The following CA5B variants were observed in gnomAD, a reference collection of about 807,000 sequenced individuals.
CA5B encodes carbonic anhydrase 5B.
A neutral mutation model predicts 23.1 loss-of-function variants in CA5B; 15 were observed. That is an observed-to-expected ratio of 0.65 (90% CI 0.43 to 1.00). The LOEUF (loss-of-function observed/expected upper bound fraction) is 1.00. Among genes scored for constraint, CA5B ranks in the 50% least tolerant of loss-of-function variants. The probability of loss-of-function intolerance (pLI) is 0.00; values close to 1 mark genes in which losing one functional copy is unlikely to be tolerated. For missense variants in CA5B, 236 were observed against 252.2 expected (o/e 0.94, Z 0.43); for synonymous variants, 84 against 98.5 (o/e 0.85, Z 0.87).
intron 1 of CA5B, among the ~76,000 whole-genome samples, chrX:15,743,089 G>T (rs1348221844): frequency 8.9e-6 from 1 of 112,234 alleles, no homozygotes; most frequent in African/African-American, 3.2e-5. Context: ...CTTCCTCCTG[G>T]TTCACTCTAC....
chrX:15,743,935 C>G (rs1278322500), intron 1 of CA5B, among the ~76,000 whole-genome samples: 1 of 111,638 alleles, frequency 9.0e-6, no homozygotes, highest in Non-Finnish European at 1.9e-5. Flanking sequence ...GAGTCAGGGT[C>G]CCCTACAGTG....
chrX:15,772,663 A>G (rs774038050), intron 4 of CA5B, 49 bp downstream of exon 4: 2 of 714,935 alleles, frequency 2.8e-6, no homozygotes, highest in East Asian at 6.8e-5. Flanking sequence ...AAGTGGGGAT[A>G]ATTCTGAACT....
chrX:15,779,118 C>A (rs1171662838), intron 7 of CA5B, among the ~76,000 whole-genome samples: 3 of 111,379 alleles, frequency 2.7e-5, no homozygotes, highest in Non-Finnish European at 5.6e-5. Flanking sequence ...CATCTGCAAG[C>A]TGGAGACCCA....
intron 1 of CA5B, among the ~76,000 whole-genome samples, chrX:15,743,092 C>T (rs1569272651): frequency 8.9e-6 from 1 of 112,589 alleles, no homozygotes; most frequent in African/African-American, 3.2e-5. Context: ...CCTCCTGGTT[C>T]ACTCTACTCC....
intron 1 of CA5B, among the ~76,000 whole-genome samples, chrX:15,749,253 C>T (rs1263466165): frequency 2.7e-5 from 3 of 110,639 alleles, no homozygotes; most frequent in African/African-American, 9.9e-5. Context: ...GTTAATATTA[C>T]CATAACTTCA....
chrX:15,776,573 G>C lies in CA5B; in HGVS notation c.619-141G>C, dbSNP rs866494336. 45 of 455,230 alleles carry C rather than the reference G, an allele frequency of 9.9e-5. No homozygotes were observed. In the Middle Eastern group the frequency reaches 3.8e-3, roughly 38 times the overall value. The allele number at this position is 455,230 out of a possible 1,213,427, so 37.5% of individuals were successfully genotyped here. Reference sequence around the variant, plus strand: ...TACCATCCTAAGCAGCGATTCTTCAGGTAGCTGCCCAGAAAGGCCTGGAGC... The same window carrying C: ...TACCATCCTAAGCAGCGATTCTTCACGTAGCTGCCCAGAAAGGCCTGGAGC... On this transcript the variant is annotated intron_variant, in intron 6 of 7. Transcript: ENST00000318636.
chrX:15,776,667 G>A, intron 6 of CA5B, 47 bp from the exon 7 acceptor site: 1 of 1,062,173 alleles, frequency 9.4e-7, no homozygotes, highest in South Asian at 1.9e-5. Context: ...ATTCCTGAGT[G>A]GTTTTCACTA....
intron 6 of CA5B, chrX:15,776,110 T>G (rs1031897799): frequency 2.1e-4 from 104 of 503,133 alleles, no homozygotes; most frequent in East Asian, 1.7e-3. Flanking sequence ...AGGCCGAGGC[T>G]GGCGGATCAC....
intron 3 of CA5B, among the ~76,000 whole-genome samples, chrX:15,767,475 C>T (rs897723996): frequency 1.3e-4 from 14 of 109,849 alleles, no homozygotes; most frequent in African/African-American, 4.3e-4. Context: ...GATTGCAGCT[C>T]ACTGCAGCCT....
At chrX:15,768,203 AATTTTTGT>A (rs1931750912) in intron 3 of CA5B, among the ~76,000 whole-genome samples, 1 of 109,935 alleles carries the variant, frequency 9.1e-6, no homozygotes, top group Non-Finnish European at 1.9e-5. Flanking sequence ...AGCTCCGGCA[AATTTTTGT>A]ATTTTTTGTA....
chrX:15,750,353 A>G (rs1474888998), intron 2 of CA5B, 188 bp downstream of exon 2: 1 of 398,853 alleles, frequency 2.5e-6, no homozygotes, highest in South Asian at 5.2e-5. Context: ...TTTCCAGTGT[A>G]GGATTATATG....
intron 2 of CA5B, 164 bp downstream of exon 2, chrX:15,750,329 A>G (rs1163416474): frequency 2.3e-6 from 1 of 434,047 alleles, no homozygotes; most frequent in South Asian, 4.2e-5. Context: ...ATTTGTAGCT[A>G]TGCTGTCTTT....
rs1932081469 is a variant in CA5B, at chrX:15,784,593, C to A, written c.*1929C>A. The A allele has an allele frequency of 8.9e-6, 1 of 112,042 alleles. No individual in the cohort carries two copies. Among genetic ancestry groups the A allele is most frequent in the South Asian group, 3.7e-4 (1 of 2,720 alleles). The allele number at this position is 112,042 out of a possible 1,213,427, so 9.2% of individuals were successfully genotyped here. A position where few individuals can be genotyped will look rare whatever the true frequency, so the allele number is the denominator to read the frequency against. On this transcript the variant is annotated 3_prime_UTR_variant, in exon 8 of 8. Coordinates refer to ENST00000318636, the MANE Select transcript of CA5B (RefSeq NM_007220.4). ...GTTGCGTCAATGACTGGTAGTATTT[C>A]TTTCATTAATATGTTTGTCATCTGG...
chrX:15,770,853 C>T (rs1448340638), intron 3 of CA5B, among the ~76,000 whole-genome samples: 1 of 109,622 alleles, frequency 9.1e-6, no homozygotes, highest in Non-Finnish European at 1.9e-5. Flanking sequence ...CTGCAAGCTC[C>T]ATCTCCCAGG....
Position 15,772,487 on chromosome X carries a change from C to T in CA5B, c.341-9C>T, listed in dbSNP as rs1046124950. ...ACTCTTCCCTGAATTGTTGGATGTG[C>T]CATTTTAGTGATCAAGGGAGGACCC... On this transcript the variant is annotated splice_polypyrimidine_tract_variant and intron_variant, in intron 3 of 7. Coordinates refer to ENST00000318636, the MANE Select transcript of CA5B (RefSeq NM_007220.4). 5 of 1,135,953 alleles carry T rather than the reference C, an allele frequency of 4.4e-6. No homozygotes were observed. In the Admixed American group the frequency reaches 1.1e-4, roughly 25 times the overall value. 93.6% of individuals were successfully genotyped at this position (1,135,953 alleles called of 1,213,427 possible).
At chrX:15,754,272 G>A (rs929568570) in intron 2 of CA5B, among the ~76,000 whole-genome samples, 14 of 112,630 alleles carry the variant, frequency 1.2e-4, no homozygotes, top group Admixed American at 1.0e-3. Flanking sequence ...GTGATGTCAC[G>A]CAGTGAGGAC....
At chrX:15,749,430 T>G (rs957520135) in intron 1 of CA5B, among the ~76,000 whole-genome samples, 1 of 112,307 alleles carries the variant, frequency 8.9e-6, no homozygotes, top group Non-Finnish European at 1.9e-5. Flanking sequence ...AGATTATATT[T>G]AAGCTCAGAT....
At chrX:15,777,363 A>G (rs1931951128) in intron 7 of CA5B, among the ~76,000 whole-genome samples, 1 of 111,959 alleles carries the variant, frequency 8.9e-6, no homozygotes, top group Non-Finnish European at 1.9e-5. Flanking sequence ...AGTATTTACT[A>G]TGCAAACACT....
chrX:15,763,170 G>A (rs954860241), intron 2 of CA5B: 9 of 155,257 alleles, frequency 5.8e-5, no homozygotes, highest in Non-Finnish European at 9.8e-5. Context: ...AACTCAGCAC[G>A]CACAGTTATG....
Sources: gnomAD v4.1 joint callset for allele counts (sites outside exome capture counted in the v4.1 genomes callset) on GRCh38, gnomAD v4.1.1 for gene constraint, MANE v1.5 for transcripts, NCBI Gene and HGNC (gene_info 2026-07-23, HGNC 2026-07-21) for gene names.